Variants in ACR observed in about 807,000 individuals in gnomAD.
ACR encodes acrosin.
In ACR, 17 loss-of-function variants were observed where a neutral mutation model predicts 26.0. That is an observed-to-expected ratio of 0.65 (90% CI 0.45 to 0.98). The LOEUF is 0.98. Ranked by LOEUF, ACR falls within the 50% of genes least tolerant of loss-of-function variation. The probability of loss-of-function intolerance (pLI) is 0.00; values close to 1 mark genes in which losing one functional copy is unlikely to be tolerated. For missense variants in ACR, 435 were observed against 519.3 expected (o/e 0.84, Z 1.58); for synonymous variants, 199 against 207.7 (o/e 0.96, Z 0.36).
At chr22:50,744,013 T>A (rs748714084) in intron 3 of ACR, 48 bp from the exon 4 acceptor site, 46 of 1,371,194 alleles carry the variant, frequency 3.4e-5, no homozygotes, top group Non-Finnish European at 4.6e-5. Flanking sequence ...GGCAGGGCTT[T>A]TGTCCGTGTC....
In ACR at chr22:50,739,688, C is replaced by T. The variant is rs772050251; in HGVS notation, c.282-6C>T. The T allele has an allele frequency of 1.6e-4, 245 of 1,537,026 alleles. 1 individual carries two copies. The highest frequency in any genetic ancestry group is 6.1e-6 in the Non-Finnish European group (7 of 1,144,002). ...GTTGTGACCTGGCTTACCTTTGTGC[C>T]CACAGTAATGTGCATGACTGGAGAC... On this transcript the variant is annotated splice_region_variant and splice_polypyrimidine_tract_variant and intron_variant, in intron 2 of 4. Coordinates refer to ENST00000216139, the MANE Select transcript of ACR (RefSeq NM_001097.3). This position sits in a 1 kb window ranked among gnomAD's most constrained non-coding sequence, Gnocchi z 5.5.
At chr22:50,740,661 G>A (rs1458357107) in intron 3 of ACR, 11 of 702,398 alleles carry the variant, frequency 1.6e-5, no homozygotes, top group East Asian at 5.4e-5. Context: ...CATTCAAGAC[G>A]GGTGTAGCTG....
At chr22:50,738,677 C>T (rs527557266) in intron 1 of ACR, among the ~76,000 whole-genome samples, 9 of 151,960 alleles carry the variant, frequency 5.9e-5, no homozygotes, top group Admixed American at 3.9e-4. Context: ...CCCTACCCCC[C>T]AGTAGGCTCT....
chr22:50,741,546 T>A (rs989360762), intron 3 of ACR, among the ~76,000 whole-genome samples: 1 of 151,952 alleles, frequency 6.6e-6, no homozygotes, highest in Admixed American at 6.6e-5. Flanking sequence ...TAGCTATATC[T>A]TGGATGCCAT....
At position 50,738,360 on chromosome 22, in the gene ACR, G is replaced by A. The variant is rs376116447; in HGVS notation, c.77+48G>A. 1.9e-6 allele frequency: 3 copies of A among 1,567,930 alleles called. No individual in the cohort carries two copies. In the Admixed American group the frequency reaches 5.2e-5, roughly 27 times the overall value. On this transcript the variant is annotated intron_variant, in intron 1 of 4. Coordinates refer to ENST00000216139, the MANE Select transcript of ACR (RefSeq NM_001097.3). ...GGGGGAAGGATCTTCTGAGGAGCAG[G>A]TACCACCCCGACTCCCTCTGTCCAG...
rs2083411500 is a variant in ACR, at chr22:50,739,006, G to T, written c.78-265G>T. Among the ~76,000 whole-genome samples, 1 of 152,140 alleles carries T rather than the reference G, an allele frequency of 6.6e-6. No individual in the cohort carries two copies. The highest frequency in any genetic ancestry group is 2.1e-4 in the South Asian group (1 of 4,832). On this transcript the variant is annotated intron_variant, in intron 1 of 4. Transcript: ENST00000216139. The surrounding 1 kb of genome is among the most constrained non-coding windows in gnomAD (Gnocchi z 5.5). Reference sequence around the variant, plus strand: ...TGCCCAGGGACGGGCCATCCCTCAGGGCCCATGCAGCCTGTCCTGGCTTCC... The same window carrying T: ...TGCCCAGGGACGGGCCATCCCTCAGTGCCCATGCAGCCTGTCCTGGCTTCC...
Position 50,742,334 on chromosome 22 carries a change from T to G in ACR, c.566-1727T>G, listed in dbSNP as rs1392989004. On this transcript the variant is annotated intron_variant, in intron 3 of 4. Coordinates refer to ENST00000216139, the MANE Select transcript of ACR (RefSeq NM_001097.3). ...CCAAGGAGGGTGGATCACAAGGTCG[T>G]GAGATCGAGACCATCCTGGCTAACA... 5.9e-5 allele frequency among the ~76,000 whole-genome samples: 9 copies of G among 151,686 alleles called. No homozygotes were observed. The South Asian group carries it at 1.7e-3, about 28-fold the overall frequency.
chr22:50,743,582 A>G (rs2083436394), intron 3 of ACR: 1 of 162,488 alleles, frequency 6.2e-6, no homozygotes. Flanking sequence ...GGGAGTGGAC[A>G]GTGTGTCTCA....
At chr22:50,743,317 G>C (rs532532091) in intron 3 of ACR, among the ~76,000 whole-genome samples, 4 of 152,282 alleles carry the variant, frequency 2.6e-5, no homozygotes, top group Admixed American at 6.5e-5. Flanking sequence ...TGACAGGCGT[G>C]AGCCACCGCG....
intron 3 of ACR, chr22:50,740,237 C>A: frequency 1.7e-6 from 1 of 593,692 alleles, no homozygotes; most frequent in Admixed American, 2.7e-5. Context: ...GAGGCTGTGT[C>A]TGTATTTGGC....
rs762710319 is a variant in ACR at position 50,744,053 on chromosome 22, G to A, written c.566-8G>A. The A allele has an allele frequency of 8.2e-5, 130 of 1,579,984 alleles. No individual in the cohort carries two copies. Among genetic ancestry groups the A allele is most frequent in the Non-Finnish European group, 1.1e-4 (123 of 1,150,522 alleles). On this transcript the variant is annotated splice_region_variant and splice_polypyrimidine_tract_variant and intron_variant, in intron 3 of 4. Transcript: ENST00000216139. ...GTGATCACTGACCACCGAGTGGTCT[G>A]ACTATAGCCCCCAGGCCATCATCTA...
At chr22:50,744,428 C>T (rs1156478875) in intron 4 of ACR, 17 of 666,432 alleles carry the variant, frequency 2.6e-5, no homozygotes, top group Admixed American at 1.8e-4. Context: ...CCTGTGGACA[C>T]GTGGGTTTGC....
intron 3 of ACR, 137 bp downstream of exon 3, chr22:50,740,114 G>A (rs1480396663): frequency 8.7e-7 from 1 of 1,153,330 alleles, no homozygotes; most frequent in South Asian, 1.3e-5. Flanking sequence ...AGCCATCACT[G>A]TGGCCTTCCA....
At chr22:50,743,259 A>T (rs9616955) in intron 3 of ACR, among the ~76,000 whole-genome samples, 10,681 of 151,306 alleles carry the variant, frequency 0.071, 381 homozygotes, top group African/African-American at 0.079. Flanking sequence ...ATGGTCTCGA[A>T]CTCCTGACCT....
chr22:50,740,176 G>C lies in ACR; in HGVS notation c.565+199G>C, dbSNP rs557426398. The C allele has an allele frequency of 2.9e-4, 209 of 733,308 alleles. 1 individual carries two copies. The highest frequency in any genetic ancestry group is 1.2e-3 in the Middle Eastern group (5 of 4,242). The allele number at this position is 733,308 out of a possible 1,614,324, so 45.4% of individuals were successfully genotyped here. A position where few individuals can be genotyped will look rare whatever the true frequency, so the allele number is the denominator to read the frequency against. On this transcript the variant is annotated intron_variant, in intron 3 of 4. Coordinates refer to ENST00000216139, the MANE Select transcript of ACR (RefSeq NM_001097.3). ...GGGTGACTCGTCTGGCTGTCTACGG[G>C]GGGGCTGACAGCAGGTGCAGGCAGA...
chr22:50,739,530 G>GCC lies in ACR; in HGVS notation c.281+57_281+58insCC. 6.2e-7 allele frequency: 1 copy of GCC among 1,603,084 alleles called. No homozygotes were observed. Among genetic ancestry groups the GCC allele is most frequent in the Non-Finnish European group, 8.5e-7 (1 of 1,171,410 alleles). ...TCAGAACGGCTCTTCTCAGAGAGGG[G>GCC]CGTTCCCCGGGGATGCTGTGCAGCG... is the stretch of plus-strand genomic sequence containing the variant. On this transcript the variant is annotated intron_variant, in intron 2 of 4. Coordinates refer to ENST00000216139, the MANE Select transcript of ACR (RefSeq NM_001097.3). This position sits in a 1 kb window ranked among gnomAD's most constrained non-coding sequence, Gnocchi z 5.5.
chr22:50,743,067 G>A (rs1478276195), intron 3 of ACR, among the ~76,000 whole-genome samples: 6 of 151,898 alleles, frequency 4.0e-5, no homozygotes, highest in African/African-American at 1.2e-4. Context: ...ACGGAGTCTC[G>A]CTCTGTGGCC....
chr22:50,738,374 C>A lies in ACR; in HGVS notation c.77+62C>A. On this transcript the variant is annotated intron_variant, in intron 1 of 4. Coordinates refer to ENST00000216139, the MANE Select transcript of ACR (RefSeq NM_001097.3). ...CTGAGGAGCAGGTACCACCCCGACTCCCTCTGTCCAGGGCTAGGGAAAAGG... is the reference window on the plus strand; with the variant it reads ...CTGAGGAGCAGGTACCACCCCGACTACCTCTGTCCAGGGCTAGGGAAAAGG... The A allele has an allele frequency of 2.0e-6, 3 of 1,524,390 alleles. No homozygotes were observed. In the South Asian group the frequency reaches 3.4e-5, roughly 17 times the overall value. The allele number at this position is 1,524,390 out of a possible 1,614,324, so 94.4% of individuals were successfully genotyped here. A position where few individuals can be genotyped will look rare whatever the true frequency, so the allele number is the denominator to read the frequency against.
At chr22:50,742,289 A>C (rs1212877263) in intron 3 of ACR, among the ~76,000 whole-genome samples, 3 of 151,988 alleles carry the variant, frequency 2.0e-5, no homozygotes, top group East Asian at 3.9e-4. Context: ...TCACTCCTGT[A>C]ATCCCAGCAC....
Sources: gnomAD v4.1 joint callset for allele counts (sites outside exome capture counted in the v4.1 genomes callset) on GRCh38, gnomAD v4.1.1 for gene constraint, Gnocchi (gnomAD v3.1) non-coding constraint, MANE v1.5 for transcripts, NCBI Gene and HGNC (gene_info 2026-07-23, HGNC 2026-07-21) for gene names.